Variants in RASGEF1B observed in about 807,000 individuals in gnomAD.
RASGEF1B encodes ras-GEF domain-containing family member 1B.
Under a neutral mutation model 65.7 loss-of-function variants are expected in RASGEF1B, and 30 were observed. That is an observed-to-expected ratio of 0.46 (90% CI 0.34 to 0.62). The LOEUF is 0.62. Ranked by LOEUF, RASGEF1B falls within the 20% of genes least tolerant of loss-of-function variation. The pLI is 0.01. For synonymous variants in RASGEF1B, 175 were observed against 194.8 expected (o/e 0.90, Z 0.85); for missense variants, 495 against 580.1 (o/e 0.85, Z 1.51).
chr4:81,434,655 C>T lies in RASGEF1B; in HGVS notation c.1184G>A (p.Gly395Asp). 6.3e-7 allele frequency: 1 copy of T among 1,596,186 alleles called. No individual in the cohort carries two copies. ...CACACTCACCTCAAAATTGACATGGCCATTGGGAAGGCGGTTGGCACAACC... is the reference window on the plus strand; with the variant it reads ...CACACTCACCTCAAAATTGACATGGTCATTGGGAAGGCGGTTGGCACAACC... Reference protein sequence around the residue: ...NEGCANRLPNGHVNFEKFWEL... With the variant: ...NEGCANRLPNDHVNFEKFWEL... The change falls in exon 11 of 14, where the codon GGC (glycine) becomes GAC (aspartate). Residue 395 changes from glycine (G) to aspartate (D), a missense_variant. By Grantham distance (94) the Gly-to-Asp change is moderately conservative. Coordinates refer to ENST00000264400, the MANE Select transcript of RASGEF1B (RefSeq NM_152545.3).
chr4:81,448,718 G>A (rs1578627298), intron 4 of RASGEF1B, among the ~76,000 whole-genome samples: 1 of 152,260 alleles, frequency 6.6e-6, no homozygotes, highest in Non-Finnish European at 1.5e-5. Flanking sequence ...CCACCTTCTT[G>A]ATTTCTCTAG....
At chr4:81,456,907 G>T (rs187869734) in intron 3 of RASGEF1B, 119 bp from the exon 4 acceptor site, 13 of 882,570 alleles carry the variant, frequency 1.5e-5, no homozygotes, top group African/African-American at 5.1e-5. Flanking sequence ...GGATGAAGAA[G>T]AAGCTCCAGC....
intron 6 of RASGEF1B, among the ~76,000 whole-genome samples, chr4:81,446,344 G>A (rs568088476): frequency 2.2e-4 from 34 of 152,314 alleles, no homozygotes; most frequent in African/African-American, 8.2e-4. Flanking sequence ...CTGCACTCTA[G>A]CGTGGGTGGC....
chr4:81,435,721 C>T (rs567095741), intron 10 of RASGEF1B, among the ~76,000 whole-genome samples: 91 of 149,694 alleles, frequency 6.1e-4, no homozygotes, highest in Admixed American at 4.7e-3. Context: ...GTGATCCGCC[C>T]GCCTTGGCCT....
At chr4:81,432,005 A>T (rs890672809) in intron 13 of RASGEF1B, among the ~76,000 whole-genome samples, 1 of 151,834 alleles carries the variant, frequency 6.6e-6, no homozygotes, top group African/African-American at 2.4e-5. Flanking sequence ...CTGATATTTT[A>T]GACAAAGTCA....
chr4:81,434,733 A>G lies in RASGEF1B; in HGVS notation c.1106T>C (p.Ile369Thr). Residue 369 changes from isoleucine to threonine, a missense_variant and splice_region_variant, in exon 11 of 14, where the codon ATT becomes ACT. Coordinates refer to ENST00000264400, the MANE Select transcript of RASGEF1B (RefSeq NM_152545.3). ...TAAGAGACTGAAGAATGGTATCACA[A>G]TCTAGAGGAAACAAAAGATTCTGGT... ...SLTAHSSREK[I>T]VIPFFSLLIK... is the part of the protein sequence containing the mutation. 4 of 1,524,772 alleles carry G rather than the reference A, an allele frequency of 2.6e-6. No individual in the cohort carries two copies. The highest frequency in any genetic ancestry group is 3.6e-6 in the Non-Finnish European group (4 of 1,099,372). The allele number at this position is 1,524,772 out of a possible 1,614,324, so 94.5% of individuals were successfully genotyped here.
chr4:81,444,995 T>C (rs1229291809), intron 8 of RASGEF1B, among the ~76,000 whole-genome samples: 1 of 152,202 alleles, frequency 6.6e-6, no homozygotes, highest in East Asian at 1.9e-4. Flanking sequence ...AACCAAGACA[T>C]ATTGTTACCA....
At chr4:81,454,197 T>C (rs1049276461) in intron 4 of RASGEF1B, 8 of 152,252 alleles carry the variant, frequency 5.3e-5, no homozygotes, top group East Asian at 3.8e-4. Flanking sequence ...GGCTTGATTC[T>C]GTTAAACAAA....
intron 4 of RASGEF1B, chr4:81,451,567 A>G (rs1560704892): frequency 6.6e-6 from 1 of 152,226 alleles, no homozygotes; most frequent in Non-Finnish European, 1.5e-5. Context: ...TTAAGAGAGA[A>G]GCTGGATTGA....
rs1399836478 is a variant in RASGEF1B at position 81,427,597 on chromosome 4, A to G, written c.*171T>C. On this transcript the variant is annotated 3_prime_UTR_variant, in exon 14 of 14. Transcript: ENST00000264400. ...TGAGTCTATCTGTCAGCTGCAGGAAATAAGTTCTCCATCTGGTCTTGAGTG... is the reference window on the plus strand; with the variant it reads ...TGAGTCTATCTGTCAGCTGCAGGAAGTAAGTTCTCCATCTGGTCTTGAGTG... 3.5e-6 allele frequency: 2 copies of G among 566,768 alleles called. No individual in the cohort carries two copies. The highest frequency in any genetic ancestry group is 6.1e-6 in the Non-Finnish European group (2 of 328,664). 35.1% of individuals were successfully genotyped at this position (566,768 alleles called of 1,614,324 possible).
Position 81,437,251 on chromosome 4 carries a change from AT to A in RASGEF1B, c.1105-2518del, listed in dbSNP as rs200721317. On this transcript the variant is annotated intron_variant, in intron 10 of 13. Coordinates refer to ENST00000264400, the MANE Select transcript of RASGEF1B (RefSeq NM_152545.3). ...TGTTAAGTAGCTAAAAAATAAAAAA[AT>A]AATAATATTTCAAGATGCATGAAAA... 5.8e-4 allele frequency among the ~76,000 whole-genome samples: 88 copies of A among 152,168 alleles called. No individual in the cohort carries two copies. In the East Asian group the frequency reaches 9.1e-3, roughly 16 times the overall value.
intron 1 of RASGEF1B, among the ~76,000 whole-genome samples, chr4:81,460,526 A>G (rs1417338350): frequency 6.6e-6 from 1 of 152,144 alleles, no homozygotes; most frequent in Admixed American, 6.5e-5. Flanking sequence ...AACCTGGACT[A>G]ATCTTTCTTT....
chr4:81,461,263 C>T (rs1032822363), intron 1 of RASGEF1B, among the ~76,000 whole-genome samples: 1 of 152,098 alleles, frequency 6.6e-6, no homozygotes, highest in African/African-American at 2.4e-5. Flanking sequence ...TGCCCTCAAA[C>T]GAGGAGGCAG....
intron 1 of RASGEF1B, among the ~76,000 whole-genome samples, chr4:81,463,605 C>T (rs1052692040): frequency 9.2e-5 from 14 of 152,242 alleles, no homozygotes; most frequent in African/African-American, 2.2e-4. Flanking sequence ...TAGCTGTTTT[C>T]GGAAGGATCA....
rs1721256982 is a variant in RASGEF1B at position 81,427,189 on chromosome 4, T to C, written c.*579A>G. The C allele has an allele frequency of 6.6e-6, 1 of 152,312 alleles. No homozygotes were observed. The highest frequency in any genetic ancestry group is 1.5e-5 in the Non-Finnish European group (1 of 68,042). 9.4% of individuals were successfully genotyped at this position (152,312 alleles called of 1,614,324 possible). ...CTTGTAGGAGGAGGGAGGAGAAAAA[T>C]TTACAACACAGCACATACTAAGGGG... On this transcript the variant is annotated 3_prime_UTR_variant, in exon 14 of 14. Transcript: ENST00000264400.
Position 81,456,636 on chromosome 4 carries a change from A to G in RASGEF1B, c.438+15T>C. The G allele has an allele frequency of 3.7e-6, 6 of 1,613,958 alleles. No homozygotes were observed. The highest frequency in any genetic ancestry group is 1.1e-5 in the South Asian group (1 of 91,084). On this transcript the variant is annotated intron_variant, in intron 4 of 13. Transcript: ENST00000264400. ...CTGGGAATTCCAGCAGCCGCGCTAA[A>G]TTCAGGTTACCAACCTCTTCGCCAC...
intron 8 of RASGEF1B, among the ~76,000 whole-genome samples, chr4:81,442,955 CGCTTTGCGT>C (rs1721894562): frequency 6.6e-6 from 1 of 152,252 alleles, no homozygotes. Flanking sequence ...GTGTCAAACA[CGCTTTGCGT>C]GTACTATCTC....
Position 81,448,238 on chromosome 4 carries a change from C to T in RASGEF1B, c.485G>A (p.Arg162His), listed in dbSNP as rs755939514. 18 of 1,613,274 alleles carry T rather than the reference C, an allele frequency of 1.1e-5. No individual in the cohort carries two copies. The highest frequency in any genetic ancestry group is 5.3e-5 in the African/African-American group (4 of 74,896). Residue 162 changes from arginine to histidine, a missense_variant, in exon 5 of 14, where the codon CGC (arginine) becomes CAC (histidine). By Grantham distance (29) the Arg-to-His change is conservative. Transcript: ENST00000264400. The part of the protein sequence containing the change: ...NVQQMMQCLI[R>H]KLAALSQYEE... The stretch of plus-strand genomic sequence containing the variant: ...GTACTGGCTGAGCGCAGCAAGCTTG[C>T]GGATCAGACACTGCATCATTTGCTG...
Position 81,466,497 on chromosome 4 carries a change from C to T in RASGEF1B, c.-7+5273G>A, listed in dbSNP as rs182411918. ...CAAGATTGCCAGGCGCGGTGGCTCA[C>T]GCCTGTAATCCCAGCTCTTTGGGAG... On this transcript the variant is annotated intron_variant, in intron 1 of 13. Transcript: ENST00000264400. Among the ~76,000 whole-genome samples the T allele has an allele frequency of 5.9e-5, 9 of 152,086 alleles. 1 individual carries two copies. Among genetic ancestry groups the T allele is most frequent in the East Asian group, 3.9e-4 (2 of 5,162 alleles).
Sources: allele counts gnomAD v4.1 joint callset (sites outside exome capture counted in the v4.1 genomes callset), GRCh38; gene constraint gnomAD v4.1.1; transcripts MANE v1.5; gene names NCBI Gene and HGNC (gene_info 2026-07-23, HGNC 2026-07-21).